The following GRID2 variants were observed in gnomAD, a reference collection of about 807,000 sequenced individuals.
GRID2 encodes glutamate ionotropic receptor delta type subunit 2.
In GRID2, 33 loss-of-function variants were observed where a neutral mutation model predicts 114.8. The observed-to-expected ratio is 0.29, with a 90% CI of 0.22 to 0.38. The LOEUF is 0.38. GRID2 is among the 10% of genes least tolerant of loss of function. The pLI is 1.00. For synonymous variants in GRID2, 505 were observed against 449.9 expected, an observed-to-expected ratio of 1.12 and a Z score of -1.55; for missense variants, 1,184 against 1,257.7, an observed-to-expected ratio of 0.94 and a Z score of 0.89.
chr4:92,415,134 A>G, intron 1 of GRID2, among the ~76,000 whole-genome samples: 1 of 152,052 alleles, frequency 6.6e-6, no homozygotes, highest in East Asian at 1.9e-4. Context: ...TAAAATTTTC[A>G]TCTAATATTT....
intron 4 of GRID2, among the ~76,000 whole-genome samples, chr4:93,167,378 C>A (rs1284821738): frequency 6.6e-6 from 1 of 152,144 alleles, no homozygotes. Context: ...ACTTCAACAA[C>A]TATCAAATCC....
chr4:92,508,784 C>G (rs952116784), intron 1 of GRID2, among the ~76,000 whole-genome samples: 3 of 151,784 alleles, frequency 2.0e-5, no homozygotes, highest in Admixed American at 6.6e-5. Context: ...GCAGACAATA[C>G]TTTTTTTAAA....
intron 13 of GRID2, among the ~76,000 whole-genome samples, chr4:93,588,431 A>G (rs1229427364): frequency 2.0e-5 from 3 of 152,162 alleles, no homozygotes; most frequent in Non-Finnish European, 4.4e-5. Flanking sequence ...GATAACCTAT[A>G]AGCCAATGCA....
At chr4:93,804,503 T>G (rs920137168) in intron 1 of GRID2, among the ~76,000 whole-genome samples, 7 of 152,110 alleles carry the variant, frequency 4.6e-5, no homozygotes, top group Non-Finnish European at 8.8e-5. Flanking sequence ...TGTCTAAACA[T>G]AGGAAAGGTA....
intron 2 of GRID2, among the ~76,000 whole-genome samples, chr4:92,933,199 T>A (rs1327528052): frequency 6.6e-6 from 1 of 150,952 alleles, no homozygotes; most frequent in Non-Finnish European, 1.5e-5. Flanking sequence ...AAATTTTACC[T>A]CTTAATCGGA....
intron 2 of GRID2, among the ~76,000 whole-genome samples, chr4:92,763,989 C>T (rs963764317): frequency 2.6e-5 from 4 of 152,000 alleles, no homozygotes; most frequent in Non-Finnish European, 4.4e-5. Flanking sequence ...TTAAAAAAAA[C>T]GTTAAAGGCA....
chr4:93,793,001 T>C (rs1394902954), intron 1 of GRID2, among the ~76,000 whole-genome samples: 1 of 152,252 alleles, frequency 6.6e-6, no homozygotes, highest in African/African-American at 2.4e-5. Flanking sequence ...AGTTTAGCCA[T>C]AGTCCTTTAT....
At chr4:93,678,289 A>C (rs975068959) in intron 14 of GRID2, among the ~76,000 whole-genome samples, 8 of 152,178 alleles carry the variant, frequency 5.3e-5, no homozygotes, top group Non-Finnish European at 1.0e-4. Context: ...AAAAGACCAA[A>C]TCTGCATCTG....
At chr4:93,755,706 C>T (rs1258701032) in intron 14 of GRID2, among the ~76,000 whole-genome samples, 1 of 152,132 alleles carries the variant, frequency 6.6e-6, no homozygotes, top group East Asian at 1.9e-4. Context: ...TAACGAAGAT[C>T]GGCTTCTACC....
chr4:92,658,453 A>G (rs954822620), intron 2 of GRID2, among the ~76,000 whole-genome samples: 1 of 151,796 alleles, frequency 6.6e-6, no homozygotes, highest in African/African-American at 2.4e-5. Flanking sequence ...TAGATTAGCC[A>G]CGCTGGTAAA....
chr4:92,989,780 T>G (rs900277727), intron 2 of GRID2, among the ~76,000 whole-genome samples: 27 of 152,306 alleles, frequency 1.8e-4, no homozygotes, highest in Admixed American at 6.5e-5. Context: ...CATCATAATT[T>G]ATCTGGGTGA....
At chr4:93,784,317 AT>A (rs938919719) in intron 1 of GRID2, among the ~76,000 whole-genome samples, 1 of 151,516 alleles carries the variant, frequency 6.6e-6, no homozygotes, top group African/African-American at 2.4e-5. Context: ...TCCATGATTT[AT>A]TTTTTTTCTG....
intron 3 of GRID2, among the ~76,000 whole-genome samples, chr4:93,095,039 CAG>C (rs1457376993): frequency 2.0e-5 from 3 of 151,524 alleles, no homozygotes; most frequent in Admixed American, 6.6e-5. Context: ...GGAAATAAAA[CAG>C]AAAACAAAAT....
intron 8 of GRID2, among the ~76,000 whole-genome samples, chr4:93,260,718 T>G (rs1750161919): frequency 2.0e-5 from 3 of 151,796 alleles, no homozygotes; most frequent in Admixed American, 2.0e-4. Context: ...ACTGCCTTTT[T>G]CAACAGGCCA....
chr4:93,067,257 A>G (rs945523500), intron 2 of GRID2, among the ~76,000 whole-genome samples: 1 of 152,030 alleles, frequency 6.6e-6, no homozygotes. Context: ...TTCTTAAATT[A>G]TCTCTTTTGC....
chr4:92,670,971 A>G (rs1404577297), intron 2 of GRID2, among the ~76,000 whole-genome samples: 3 of 152,056 alleles, frequency 2.0e-5, no homozygotes, highest in Admixed American at 2.0e-4. Context: ...GATGTTTGGA[A>G]CCCAAAATGT....
Position 93,258,168 on chromosome 4 carries a change from GT to G in GRID2, c.1245+19682del, listed in dbSNP as rs1749836012. On this transcript the variant is annotated intron_variant, in intron 8 of 15. Coordinates refer to ENST00000282020, the MANE Select transcript of GRID2 (RefSeq NM_001510.4). ...TGTAATTCTTGATTAAAAAGATATAGTTTTGTTGTGTTTGAATAATTAAGTT... is the reference window on the plus strand; with the variant it reads ...TGTAATTCTTGATTAAAAAGATATAGTTTGTTGTGTTTGAATAATTAAGTT... Among the ~76,000 whole-genome samples, 5 of 151,362 alleles carry G rather than the reference GT, an allele frequency of 3.3e-5. No homozygotes were observed. In the South Asian group the frequency reaches 1.0e-3, roughly 31 times the overall value.
chr4:93,738,647 G>C (rs1731125046), intron 14 of GRID2, among the ~76,000 whole-genome samples: 2 of 152,072 alleles, frequency 1.3e-5, no homozygotes, highest in South Asian at 4.2e-4. Context: ...CTCCATTTAT[G>C]GTGACAAGGA....
At chr4:93,659,745 G>A (rs1242990101) in intron 14 of GRID2, among the ~76,000 whole-genome samples, 1 of 152,108 alleles carries the variant, frequency 6.6e-6, no homozygotes. Context: ...ATTTCCATTG[G>A]TTTCTCAGTC....
Sources: allele counts gnomAD v4.1 joint callset (sites outside exome capture counted in the v4.1 genomes callset), GRCh38; gene constraint gnomAD v4.1.1; transcripts MANE v1.5; gene names NCBI Gene and HGNC (gene_info 2026-07-23, HGNC 2026-07-21).